The following SSU72 variants were observed in gnomAD, a reference collection of about 807,000 sequenced individuals.
SSU72 encodes the protein RNA polymerase II subunit A C-terminal domain phosphatase SSU72.
A neutral mutation model predicts 22.7 loss-of-function variants in SSU72; 12 were observed. That is an observed-to-expected ratio of 0.53 (90% CI 0.34 to 0.86). SSU72 has a LOEUF of 0.86. Among genes scored for constraint, SSU72 ranks in the 40% least tolerant of loss-of-function variants. SSU72 has a pLI of 0.02. For missense variants in SSU72, 151 were observed against 249.8 expected (o/e 0.60, Z 2.67); for synonymous variants, 116 against 98.3 (o/e 1.18, Z -1.06).
chr1:1,551,109 C>T (rs1006105044), intron 2 of SSU72, among the ~76,000 whole-genome samples: 1 of 152,202 alleles, frequency 6.6e-6, no homozygotes, highest in African/African-American at 2.4e-5. Context: ...TAAATGTCCA[C>T]ACCCCAGGCA....
intron 1 of SSU72, among the ~76,000 whole-genome samples, chr1:1,571,562 T>C (rs1367666558): frequency 1.3e-5 from 2 of 152,186 alleles, no homozygotes; most frequent in Non-Finnish European, 2.9e-5. Flanking sequence ...GTCTACTCTT[T>C]TATGAGTAAA....
intron 1 of SSU72, among the ~76,000 whole-genome samples, chr1:1,573,169 TC>T (rs1278368465): frequency 1.3e-5 from 2 of 149,022 alleles, no homozygotes; most frequent in Non-Finnish European, 1.5e-5. Flanking sequence ...ACGCCTGTAA[TC>T]CCAGCACTTT....
chr1:1,562,204 T>C (rs1293720866), intron 2 of SSU72: 1 of 152,258 alleles, frequency 6.6e-6, no homozygotes, highest in East Asian at 1.9e-4. Context: ...TGGGCTGACA[T>C]GAAGGGGCTG....
intron 1 of SSU72, among the ~76,000 whole-genome samples, chr1:1,567,912 C>CAAAAAAAA (rs71574349): frequency 0.23 from 21,940 of 97,136 alleles, 4,370 homozygotes; most frequent in African/African-American, 0.51. Flanking sequence ...TACTCTGTTT[C>CAAAAAAAA]AAAAAAAAAA....
At chr1:1,549,695 C>T (rs1490391639) in intron 2 of SSU72, among the ~76,000 whole-genome samples, 12 of 151,868 alleles carry the variant, frequency 7.9e-5, no homozygotes, top group Non-Finnish European at 1.8e-4. Flanking sequence ...AAAATTATGG[C>T]TGGGCGCAGT....
At chr1:1,572,916 T>C (rs1642750470) in intron 1 of SSU72, among the ~76,000 whole-genome samples, 1 of 146,888 alleles carries the variant, frequency 6.8e-6, no homozygotes, top group Non-Finnish European at 1.5e-5. Context: ...TTTGCTTAAA[T>C]GTATCAAATT....
In SSU72 at chr1:1,554,620, G is replaced by A. The variant is rs981234471; in HGVS notation, c.225-9618C>T. Among the ~76,000 whole-genome samples, 1 of 152,142 alleles carries A rather than the reference G, an allele frequency of 6.6e-6. No homozygotes were observed. Among genetic ancestry groups the A allele is most frequent in the Admixed American group, 6.5e-5 (1 of 15,276 alleles). ...CAGCTGCCCATCCCACAGGAGAACC[G>A]AGAGGCCAGGACCACACTACCCTGC... On this transcript the variant is annotated intron_variant, in intron 2 of 4. Coordinates refer to ENST00000291386, the MANE Select transcript of SSU72 (RefSeq NM_014188.3). This position sits in a 1 kb window ranked among gnomAD's most constrained non-coding sequence, Gnocchi z 4.1.
chr1:1,564,265 A>G (rs1379741401), intron 2 of SSU72: 1 of 464,524 alleles, frequency 2.2e-6, no homozygotes, highest in Non-Finnish European at 3.8e-6. Flanking sequence ...CCTGAAATGA[A>G]GGAATGTTCT....
At chr1:1,574,041 G>A (rs950166086) in intron 1 of SSU72, among the ~76,000 whole-genome samples, 2 of 148,942 alleles carry the variant, frequency 1.3e-5, no homozygotes, top group Admixed American at 1.5e-4. Flanking sequence ...AAAAGAAGAA[G>A]AAGTAGCAAA....
At position 1,560,106 on chromosome 1, in the gene SSU72, G is replaced by A. The variant is rs968841276; in HGVS notation, c.224+4667C>T. ...TCAACTCGGGTGATCCACCTGCCTC[G>A]GTCTCCCAGTATTGGGATTACAGGT... On this transcript the variant is annotated intron_variant, in intron 2 of 4. Transcript: ENST00000291386. 5.9e-5 allele frequency among the ~76,000 whole-genome samples: 9 copies of A among 152,218 alleles called. No homozygotes were observed. The East Asian group carries it at 1.2e-3, about 20-fold the overall frequency.
intron 1 of SSU72, among the ~76,000 whole-genome samples, chr1:1,565,591 G>C (rs1489555318): frequency 1.9e-5 from 1 of 53,084 alleles, no homozygotes; most frequent in East Asian, 4.2e-3. Flanking sequence ...TCCACCACAG[G>C]AAACTCTGTC....
At position 1,560,913 on chromosome 1, in the gene SSU72, G is replaced by T. The variant is rs372097713; in HGVS notation, c.224+3860C>A. 19 of 152,364 alleles carry T rather than the reference G, an allele frequency of 1.2e-4. No homozygotes were observed. The East Asian group carries it at 2.7e-3, about 22-fold the overall frequency. 9.4% of individuals were successfully genotyped at this position (152,364 alleles called of 1,614,324 possible). A position where few individuals can be genotyped will look rare whatever the true frequency, so the allele number is the denominator to read the frequency against. On this transcript the variant is annotated intron_variant, in intron 2 of 4. Transcript: ENST00000291386. ...GCTTTAAAACACTGTCTCGGGCTCAGTGTGTGCATGTCCTAATTTATTTAA... is the reference window on the plus strand; with the variant it reads ...GCTTTAAAACACTGTCTCGGGCTCATTGTGTGCATGTCCTAATTTATTTAA...
At chr1:1,562,327 A>T (rs756891176) in intron 2 of SSU72, 1 of 152,282 alleles carries the variant, frequency 6.6e-6, no homozygotes, top group Non-Finnish European at 1.5e-5. Context: ...AGTAATTGTC[A>T]AAAACAGGAT....
chr1:1,566,231 C>T (rs1642659419), intron 1 of SSU72, among the ~76,000 whole-genome samples: 1 of 152,168 alleles, frequency 6.6e-6, no homozygotes, highest in African/African-American at 2.4e-5. Context: ...CACCACTGCA[C>T]TCCAGCCTGG....
At position 1,554,104 on chromosome 1, in the gene SSU72, G is replaced by A. The variant is rs1014481756; in HGVS notation, c.225-9102C>T. ...AACGAGGAGGAAGTGCAGCTCCAGG[G>A]AGTGGAGCGGTTGTGAGATTCACCA... On this transcript the variant is annotated intron_variant, in intron 2 of 4. Coordinates refer to ENST00000291386, the MANE Select transcript of SSU72 (RefSeq NM_014188.3). This position sits in a 1 kb window ranked among gnomAD's most constrained non-coding sequence, Gnocchi z 4.1. Among the ~76,000 whole-genome samples, 2 of 152,242 alleles carry A rather than the reference G, an allele frequency of 1.3e-5. No individual in the cohort carries two copies. Among genetic ancestry groups the A allele is most frequent in the Non-Finnish European group, 2.9e-5 (2 of 68,046 alleles).
intron 2 of SSU72, chr1:1,545,645 T>C (rs1642380743): frequency 1.3e-5 from 2 of 152,240 alleles, no homozygotes; most frequent in South Asian, 2.1e-4. Context: ...CCGTCTCTAC[T>C]AAAAATACAA....
intron 3 of SSU72, 77 bp from the exon 4 acceptor site, chr1:1,544,064 G>C (rs1023034058): frequency 8.0e-6 from 9 of 1,120,814 alleles, no homozygotes; most frequent in Non-Finnish European, 1.2e-5. Context: ...TGAGTCCCCA[G>C]CTCTGCCGGC....
At chr1:1,573,192 C>G (rs1333099382) in intron 1 of SSU72, among the ~76,000 whole-genome samples, 1 of 149,272 alleles carries the variant, frequency 6.7e-6, no homozygotes, top group Non-Finnish European at 1.5e-5. Context: ...GGAGGCCGAG[C>G]GGGCAGATCA....
intron 2 of SSU72, chr1:1,564,144 C>G (rs115930122): frequency 0.012 from 2,129 of 170,822 alleles, 58 homozygotes; most frequent in African/African-American, 0.047. Flanking sequence ...AACCCGGGCA[C>G]TGATTGTCAT....
Sources: gnomAD v4.1 joint callset for allele counts (sites outside exome capture counted in the v4.1 genomes callset) on GRCh38, gnomAD v4.1.1 for gene constraint, Gnocchi (gnomAD v3.1) non-coding constraint, MANE v1.5 for transcripts, NCBI Gene and HGNC (gene_info 2026-07-23, HGNC 2026-07-21) for gene names.